The following JADE2 variants were observed in gnomAD, a reference collection of about 807,000 sequenced individuals.
The protein encoded by JADE2 is jade family PHD finger 2, also known as E3 ubiquitin-protein ligase Jade-2.
JADE2 carries 13 observed loss-of-function variants against 85.7 expected under a neutral mutation model. That is an observed-to-expected ratio of 0.15 (90% CI 0.10 to 0.24). The LOEUF (loss-of-function observed/expected upper bound fraction) is 0.24, where lower values mean the gene tolerates loss of function less well. Among genes scored for constraint, JADE2 ranks in the 10% least tolerant of loss-of-function variants. The probability of loss-of-function intolerance (pLI) is 1.00; values close to 1 mark genes in which losing one functional copy is unlikely to be tolerated. For missense variants in JADE2, 846 were observed against 1,115.9 expected, an observed-to-expected ratio of 0.76 and a Z score of 3.45; for synonymous variants, 440 against 456.1, an observed-to-expected ratio of 0.96 and a Z score of 0.45.
chr5:134,543,970 G>A lies in JADE2; in HGVS notation c.153+5887G>A, dbSNP rs1047365919. ...ATTTTTGCCCCACCCCGGACTTGCC[G>A]GAGGTGTGAAGGACAGTTCTGGGAG... On this transcript the variant is annotated intron_variant, in intron 3 of 11. Coordinates refer to ENST00000681547, the MANE Select transcript of JADE2 (RefSeq NM_001388185.1). Among the ~76,000 whole-genome samples the A allele has an allele frequency of 3.0e-4, 46 of 152,340 alleles. No homozygotes were observed. The East Asian group carries it at 7.7e-3, about 26-fold the overall frequency.
intron 1 of JADE2, among the ~76,000 whole-genome samples, chr5:134,534,744 G>C (rs1187427894): frequency 6.6e-6 from 1 of 152,194 alleles, no homozygotes; most frequent in African/African-American, 2.4e-5. Context: ...GCTGTGGGGA[G>C]TCAGTCAGGG....
intron 3 of JADE2, among the ~76,000 whole-genome samples, chr5:134,542,786 G>T (rs994133735): frequency 1.3e-5 from 2 of 151,816 alleles, no homozygotes; most frequent in African/African-American, 4.8e-5. Flanking sequence ...AGGCTGGAGT[G>T]CAGTGGTGTG....
At chr5:134,547,306 C>T (rs1762351532) in intron 3 of JADE2, among the ~76,000 whole-genome samples, 1 of 152,188 alleles carries the variant, frequency 6.6e-6, no homozygotes, top group Non-Finnish European at 1.5e-5. Context: ...GAGTTTGAAG[C>T]CTTTAAACAT....
upstream of JADE2, chr5:134,525,656 G>T (rs1172804780): frequency 2.5e-6 from 3 of 1,223,456 alleles, no homozygotes; most frequent in Non-Finnish European, 3.2e-6. Context: ...GGAAGTCTTG[G>T]TTTAAAAAGA....
In JADE2 at chr5:134,566,275, C is replaced by T. The variant is rs1763635770; in HGVS notation, c.1129C>T (p.Pro377Ser). ...GGPRNEPTSE[P>S]TEPSQAGEDL... is the part of the protein sequence containing the mutation. Reference sequence around the variant, plus strand: ...CCCACGTAATGAGCCCACATCTGAGCCCACGGAACCCAGCCAGGCTGGCGA... The same window carrying T: ...CCCACGTAATGAGCCCACATCTGAGTCCACGGAACCCAGCCAGGCTGGCGA... The change falls in exon 9 of 12, where the codon CCC (proline) becomes TCC (serine). Residue 377 changes from proline (P) to serine (S), a missense_variant. Pro to Ser is a moderately conservative substitution (Grantham distance 74). This residue lies in a region of JADE2 where 88 missense variants were observed against 140.6 expected (regional missense o/e 0.63). Coordinates refer to ENST00000681547, the MANE Select transcript of JADE2 (RefSeq NM_001388185.1). This position sits in a 1 kb window ranked among gnomAD's most constrained non-coding sequence, Gnocchi z 6.7. 2.5e-6 allele frequency: 4 copies of T among 1,614,038 alleles called. No homozygotes were observed. Among genetic ancestry groups the T allele is most frequent in the Non-Finnish European group, 3.4e-6 (4 of 1,180,050 alleles).
chr5:134,547,192 G>C (rs1338769649), intron 3 of JADE2, among the ~76,000 whole-genome samples: 1 of 152,240 alleles, frequency 6.6e-6, no homozygotes, highest in Non-Finnish European at 1.5e-5. Context: ...AAGGCCATGT[G>C]ATGTGTTTCT....
intron 7 of JADE2, among the ~76,000 whole-genome samples, chr5:134,563,507 A>C (rs1444955208): frequency 6.6e-6 from 1 of 152,092 alleles, no homozygotes; most frequent in Non-Finnish European, 1.5e-5. Flanking sequence ...CAGCCATTTT[A>C]TTTGAAATGT....
chr5:134,575,861 C>T (rs1256514557), intron 10 of JADE2: 2 of 151,922 alleles, frequency 1.3e-5, no homozygotes, highest in Admixed American at 1.3e-4. Context: ...CCACTGTACT[C>T]CAGCCTGGGT....
intron 3 of JADE2, among the ~76,000 whole-genome samples, chr5:134,539,062 T>TATTTATTC (rs1761792127): frequency 6.7e-6 from 1 of 148,590 alleles, no homozygotes; most frequent in Non-Finnish European, 1.5e-5. Flanking sequence ...TTTATTTATT[T>TATTTATTC]ATTTATTTAT....
intron 3 of JADE2, among the ~76,000 whole-genome samples, chr5:134,548,148 TG>T (rs1762398205): frequency 1.3e-5 from 2 of 152,126 alleles, no homozygotes; most frequent in African/African-American, 4.8e-5. Context: ...GTGGGCACAG[TG>T]GGAGGACAGT....
intron 1 of JADE2, chr5:134,526,478 C>G (rs1490866071): frequency 3.0e-6 from 3 of 985,088 alleles, no homozygotes; most frequent in Non-Finnish European, 3.6e-6. Flanking sequence ...GAACCTGGAG[C>G]TATCTGCCCT....
At chr5:134,545,249 GGATCCA>G (rs1762224174) in intron 3 of JADE2, among the ~76,000 whole-genome samples, 1 of 152,182 alleles carries the variant, frequency 6.6e-6, no homozygotes. Context: ...GTGGGGGGCA[GGATCCA>G]CTTCTATAGT....
intron 1 of JADE2, among the ~76,000 whole-genome samples, chr5:134,535,050 G>A (rs1205467497): frequency 6.6e-6 from 1 of 152,218 alleles, no homozygotes; most frequent in African/African-American, 2.4e-5. Flanking sequence ...GCAGGACAAG[G>A]TGCTGGCCTC....
intron 3 of JADE2, among the ~76,000 whole-genome samples, chr5:134,549,526 G>A (rs560642800): frequency 9.2e-5 from 14 of 152,168 alleles, no homozygotes; most frequent in African/African-American, 3.4e-4. Flanking sequence ...GCAAGGTGGC[G>A]GGCACCTGTA....
At chr5:134,544,211 T>G (rs1762154707) in intron 3 of JADE2, among the ~76,000 whole-genome samples, 1 of 152,250 alleles carries the variant, frequency 6.6e-6, no homozygotes, top group African/African-American at 2.4e-5. Flanking sequence ...GAGCTGCTGA[T>G]GCTGATCAAA....
chr5:134,533,619 A>T, intron 1 of JADE2: 3 of 975,616 alleles, frequency 3.1e-6, no homozygotes, highest in South Asian at 9.5e-5. Context: ...CCTCCCCCCC[A>T]CTCCACCCAC....
intron 4 of JADE2, among the ~76,000 whole-genome samples, chr5:134,556,196 A>G (rs1455255628): frequency 6.6e-6 from 1 of 152,136 alleles, no homozygotes; most frequent in Non-Finnish European, 1.5e-5. Context: ...CTCTCAAGTA[A>G]GGGGCCTCCC....
chr5:134,569,089 A>T (rs1024941870), intron 9 of JADE2, among the ~76,000 whole-genome samples: 3 of 152,180 alleles, frequency 2.0e-5, no homozygotes, highest in African/African-American at 4.8e-5. Flanking sequence ...TTGTCTGTAA[A>T]ATGGGAATAA....
chr5:134,559,831 A>T lies in JADE2; in HGVS notation c.313A>T (p.Ile105Phe). 6.2e-7 allele frequency: 1 copy of T among 1,606,144 alleles called. No homozygotes were observed. Among genetic ancestry groups the T allele is most frequent in the Non-Finnish European group, 8.5e-7 (1 of 1,176,900 alleles). Residue 105 changes from isoleucine (I) to phenylalanine (F), a missense_variant and splice_region_variant, in exon 5 of 12, where the codon ATC becomes TTC. Coordinates refer to ENST00000681547, the MANE Select transcript of JADE2 (RefSeq NM_001388185.1). ...TGACATCCTGTCTTGATTTTCTAGG[A>T]TCCTCCCACCACTGGAAGGCCCCCC... The part of the protein sequence containing the change: ...AEAIPEPVVR[I>F]LPPLEGPPAQ...
Sources: gnomAD v4.1 joint callset for allele counts (sites outside exome capture counted in the v4.1 genomes callset) on GRCh38, gnomAD v4.1.1 for gene constraint, gnomAD v4.1.1 regional missense constraint, Gnocchi (gnomAD v3.1) non-coding constraint, MANE v1.5 for transcripts, NCBI Gene and HGNC (gene_info 2026-07-23, HGNC 2026-07-21) for gene names.